The following PTPRD variants were observed in gnomAD, a reference collection of about 807,000 sequenced individuals.
PTPRD encodes receptor-type tyrosine-protein phosphatase delta.
A neutral mutation model predicts 214.5 loss-of-function variants in PTPRD; 34 were observed. The observed-to-expected ratio is 0.16, with a 90% CI of 0.12 to 0.21. The LOEUF is 0.21. Ranked by LOEUF, PTPRD falls within the 10% of genes least tolerant of loss-of-function variation. The probability of loss-of-function intolerance (pLI) is 1.00; values close to 1 mark genes in which losing one functional copy is unlikely to be tolerated. For missense variants in PTPRD, 2,545 were observed against 2,398.7 expected (o/e 1.06, Z -1.27); for synonymous variants, 1,128 against 845.7 (o/e 1.33, Z -5.79).
chr9:8,743,838 G>C (rs1295254292), intron 11 of PTPRD, among the ~76,000 whole-genome samples: 1 of 148,688 alleles, frequency 6.7e-6, no homozygotes, highest in Non-Finnish European at 1.5e-5. Flanking sequence ...AATATCAACA[G>C]AGTTAACAGA....
At chr9:9,376,335 T>G (rs767144736) in intron 9 of PTPRD, among the ~76,000 whole-genome samples, 2 of 152,182 alleles carry the variant, frequency 1.3e-5, no homozygotes, top group Non-Finnish European at 2.9e-5. Flanking sequence ...TTCACCCTCC[T>G]ATAAAATTTG....
chr9:10,251,592 G>A (rs987110614), intron 3 of PTPRD, among the ~76,000 whole-genome samples: 1 of 152,096 alleles, frequency 6.6e-6, no homozygotes, highest in Admixed American at 6.6e-5. Context: ...GACAGTACCT[G>A]TATAATAAAT....
intron 3 of PTPRD, among the ~76,000 whole-genome samples, chr9:10,244,921 A>G (rs1275554321): frequency 2.0e-5 from 3 of 152,152 alleles, no homozygotes; most frequent in Admixed American, 1.3e-4. Flanking sequence ...AGAGCTTATT[A>G]CACAATTTAT....
chr9:9,397,413 T>C (rs2068317288), intron 9 of PTPRD, 36 bp downstream of exon 9: 1 of 152,372 alleles, frequency 6.6e-6, no homozygotes, highest in African/African-American at 2.4e-5. Flanking sequence ...AAGAAAAGTA[T>C]TCCGTGCAGA....
At chr9:10,067,576 A>G (rs2097909132) in intron 3 of PTPRD, among the ~76,000 whole-genome samples, 1 of 152,022 alleles carries the variant, frequency 6.6e-6, no homozygotes, top group African/African-American at 2.4e-5. Context: ...ATTAATCCTG[A>G]GACTCTGCGA....
chr9:9,479,532 T>C lies in PTPRD; in HGVS notation c.-236-82050A>G, dbSNP rs532712857. On this transcript the variant is annotated intron_variant, in intron 8 of 45. Coordinates refer to ENST00000381196, the MANE Select transcript of PTPRD (RefSeq NM_002839.4). ...GGTAGGCAGTATTTCTATGCCAATT[T>C]TACAAGTACTAAAAACAAGTCATTG... 2.6e-5 allele frequency among the ~76,000 whole-genome samples: 4 copies of C among 152,284 alleles called. No homozygotes were observed. In the East Asian group the frequency reaches 7.7e-4, roughly 29 times the overall value.
chr9:9,667,155 C>T (rs1007148189), intron 7 of PTPRD, among the ~76,000 whole-genome samples: 2 of 152,054 alleles, frequency 1.3e-5, no homozygotes, highest in African/African-American at 4.8e-5. Context: ...ACTGATTACT[C>T]ATGGCTGTGA....
At position 8,465,595 on chromosome 9, in the gene PTPRD, G is replaced by A. The variant is rs2134466562; in HGVS notation, c.3585C>T (p.His1195=). The change falls in exon 32 of 46, where the codon CAC becomes CAT. Residue 1195 remains histidine (H), a synonymous_variant. Coordinates refer to ENST00000381196, the MANE Select transcript of PTPRD (RefSeq NM_002839.4). ...TGAACTCAGTGGGAAGGACATCAAA[G>A]TGAGCGGCAATATATGGCTTTAATT... ...EVELKPYIAA[H]FDVLPTEFTL... 6.2e-7 allele frequency: 1 copy of A among 1,612,606 alleles called. No homozygotes were observed. The highest frequency in any genetic ancestry group is 8.5e-7 in the Non-Finnish European group (1 of 1,179,056).
At chr9:9,177,763 A>T (rs183831896) in intron 10 of PTPRD, among the ~76,000 whole-genome samples, 8 of 152,272 alleles carry the variant, frequency 5.3e-5, no homozygotes, top group Non-Finnish European at 1.0e-4. Flanking sequence ...GCCGCTATTT[A>T]TAGTAGTCCC....
chr9:8,960,908 A>C (rs1448016626), intron 11 of PTPRD, among the ~76,000 whole-genome samples: 1 of 152,154 alleles, frequency 6.6e-6, no homozygotes, highest in East Asian at 1.9e-4. Flanking sequence ...TGAAATCATT[A>C]ATAAATCTAT....
chr9:9,571,302 A>G (rs1357299707), intron 8 of PTPRD, among the ~76,000 whole-genome samples: 6 of 151,322 alleles, frequency 4.0e-5, no homozygotes, highest in Admixed American at 3.3e-4. Flanking sequence ...AAAGATATGT[A>G]TGTCTCTCTC....
chr9:9,290,093 CT>C (rs35837287), intron 9 of PTPRD, among the ~76,000 whole-genome samples: 1 of 151,556 alleles, frequency 6.6e-6, no homozygotes, highest in African/African-American at 2.4e-5. Flanking sequence ...CAAGGGTTCC[CT>C]TTTTTCCATA....
chr9:9,917,934 G>C (rs2081401818), intron 5 of PTPRD, among the ~76,000 whole-genome samples: 1 of 151,894 alleles, frequency 6.6e-6, no homozygotes, highest in Non-Finnish European at 1.5e-5. Context: ...GCATAATGGA[G>C]GTCATATATG....
rs540026315 is a variant in PTPRD, at chr9:10,363,818, A to T, written c.-599-22801T>A. On this transcript the variant is annotated intron_variant, in intron 2 of 45. Transcript: ENST00000381196. ...TTGATTCCATTCATTTCACACATGT[A>T]GATAGATGCTATGGAAAATTTTAAA... is the stretch of plus-strand genomic sequence containing the variant. Among the ~76,000 whole-genome samples, 6 of 152,182 alleles carry T rather than the reference A, an allele frequency of 3.9e-5. No homozygotes were observed. In the East Asian group the frequency reaches 1.2e-3, roughly 29 times the overall value.
chr9:8,514,304 T>C (rs1275927140), intron 21 of PTPRD, among the ~76,000 whole-genome samples: 1 of 152,194 alleles, frequency 6.6e-6, no homozygotes, highest in East Asian at 1.9e-4. Context: ...ATTCACATTT[T>C]GGTTGGATTA....
intron 10 of PTPRD, among the ~76,000 whole-genome samples, chr9:9,049,352 T>A (rs951648135): frequency 6.6e-6 from 1 of 152,184 alleles, no homozygotes; most frequent in Non-Finnish European, 1.5e-5. Context: ...AAAAACTGAA[T>A]TGCAAAAAGT....
chr9:10,061,476 T>C (rs1467750797), intron 3 of PTPRD, among the ~76,000 whole-genome samples: 1 of 152,098 alleles, frequency 6.6e-6, no homozygotes, highest in Admixed American at 6.6e-5. Context: ...CATAATTGTC[T>C]GTGGTAGCTT....
intron 4 of PTPRD, among the ~76,000 whole-genome samples, chr9:9,974,323 C>T (rs2095270712): frequency 6.6e-6 from 1 of 152,100 alleles, no homozygotes; most frequent in Admixed American, 6.6e-5. Flanking sequence ...CTGGCTAATA[C>T]CAAATGATGC....
chr9:8,609,901 A>G (rs934773748), intron 14 of PTPRD, among the ~76,000 whole-genome samples: 1 of 152,164 alleles, frequency 6.6e-6, no homozygotes, highest in Non-Finnish European at 1.5e-5. Flanking sequence ...TCCTACATTA[A>G]AAACTCCAAC....
Sources: allele counts gnomAD v4.1 joint callset (sites outside exome capture counted in the v4.1 genomes callset), GRCh38; gene constraint gnomAD v4.1.1; transcripts MANE v1.5; gene names NCBI Gene and HGNC (gene_info 2026-07-23, HGNC 2026-07-21).